Variants in MYPN observed in about 807,000 individuals in gnomAD.
MYPN encodes the protein sarcomeric protein myopalladin, 145 kDa (MYOP).
Under a neutral mutation model 129.4 loss-of-function variants are expected in MYPN, and 63 were observed. That is an observed-to-expected ratio of 0.49 (90% CI 0.40 to 0.60). MYPN has a LOEUF of 0.60. MYPN is among the 20% of genes least tolerant of loss of function. MYPN has a pLI of 0.00. For missense variants in MYPN, 1,596 were observed against 1,635.4 expected, an observed-to-expected ratio of 0.98 and a Z score of 0.42; for synonymous variants, 629 against 600.9, an observed-to-expected ratio of 1.05 and a Z score of -0.68.
At chr10:68,183,714 GACCTC>G (rs1318147119) in intron 12 of MYPN, among the ~76,000 whole-genome samples, 2 of 152,132 alleles carry the variant, frequency 1.3e-5, no homozygotes, top group South Asian at 2.1e-4. Flanking sequence ...AGAAGGTTAA[GACCTC>G]TTGCTTATTG....
chr10:68,201,031 G>A (rs1293811692), intron 17 of MYPN, among the ~76,000 whole-genome samples: 2 of 152,246 alleles, frequency 1.3e-5, no homozygotes, highest in South Asian at 2.1e-4. Flanking sequence ...GCCTCCTTGG[G>A]AAGCACAGTC....
chr10:68,143,073 A>G lies in MYPN; in HGVS notation c.1036A>G (p.Ile346Val). 1.2e-6 allele frequency: 2 copies of G among 1,614,154 alleles called. No individual in the cohort carries two copies. Among genetic ancestry groups the G allele is most frequent in the Non-Finnish European group, 1.7e-6 (2 of 1,180,010 alleles). ...TGRYSCFASN[I>V]YGTDSTSAEI... The stretch of plus-strand genomic sequence containing the variant: ...ACGCTATTCCTGCTTTGCTTCTAAC[A>G]TCTATGGGACAGATTCGACTTCTGC... The change falls in exon 3 of 20, where the codon ATC (isoleucine) becomes GTC (valine). Residue 346 changes from isoleucine (I) to valine (V), a missense_variant. By Grantham distance (29) the Ile-to-Val change is conservative. Transcript: ENST00000358913.
At chr10:68,180,479 C>T (rs996527802) in intron 12 of MYPN, among the ~76,000 whole-genome samples, 5 of 152,238 alleles carry the variant, frequency 3.3e-5, no homozygotes, top group African/African-American at 1.2e-4. Context: ...GGCCACTGTG[C>T]CCGGCCTACC....
rs2043896898 is a variant in MYPN, at chr10:68,210,610, T to C, written c.*155T>C. ...CTTTGAATAAGTCAGCTAGGGATTC[T>C]TGCAGTCTCAGCTGAGGGAGAAAGG... On this transcript the variant is annotated 3_prime_UTR_variant, in exon 20 of 20. Transcript: ENST00000358913. The C allele has an allele frequency of 1.2e-6, 1 of 846,644 alleles. No homozygotes were observed. Among genetic ancestry groups the C allele is most frequent in the Non-Finnish European group, 2.0e-6 (1 of 508,114 alleles). 52.4% of individuals were successfully genotyped at this position (846,644 alleles called of 1,614,324 possible).
At chr10:68,206,176 A>G (rs756617959) in intron 18 of MYPN, among the ~76,000 whole-genome samples, 3 of 152,164 alleles carry the variant, frequency 2.0e-5, no homozygotes, top group Non-Finnish European at 4.4e-5. Context: ...GGGAGTTTCC[A>G]AAAATCCTAA....
At chr10:68,135,619 A>T in intron 2 of MYPN, 1 of 387,378 alleles carries the variant, frequency 2.6e-6, no homozygotes, top group Non-Finnish European at 3.5e-6. Flanking sequence ...ATTAAAGGAA[A>T]GTCCTTTTCT....
At chr10:68,182,862 A>G (rs2043360771) in intron 12 of MYPN, among the ~76,000 whole-genome samples, 1 of 152,080 alleles carries the variant, frequency 6.6e-6, no homozygotes, top group African/African-American at 2.4e-5. Context: ...TGACCTCTCA[A>G]CTTGGAGTAC....
chr10:68,210,929 T>C lies in MYPN; in HGVS notation c.*474T>C, dbSNP rs2043903115. On this transcript the variant is annotated 3_prime_UTR_variant, in exon 20 of 20. Transcript: ENST00000358913. ...ATCGATTACATGTATAGCAGTAGTT[T>C]TGGTGAATTCACCAAATCAGCTTCC... 2.2e-6 allele frequency: 1 copy of C among 454,642 alleles called. No homozygotes were observed. Among genetic ancestry groups the C allele is most frequent in the South Asian group, 1.6e-5 (1 of 64,470 alleles). The allele number at this position is 454,642 out of a possible 1,614,324, so 28.2% of individuals were successfully genotyped here.
rs367982390 is a variant in MYPN at position 68,122,309 on chromosome 10, A to C, written c.871A>C (p.Ile291Leu). The C allele has an allele frequency of 1.2e-6, 2 of 1,613,950 alleles. No homozygotes were observed. Among genetic ancestry groups the C allele is most frequent in the Non-Finnish European group, 1.7e-6 (2 of 1,180,034 alleles). Reference sequence around the variant, plus strand: ...AGGAACTCGAGTACAGTTGGATTGCATAGTGGTAGGAATTCCACCACCTCA... The same window carrying C: ...AGGAACTCGAGTACAGTTGGATTGCCTAGTGGTAGGAATTCCACCACCTCA... ...PEGTRVQLDC[I>L]VVGIPPPQVR... The change falls in exon 2 of 20, where the codon ATA (isoleucine) becomes CTA (leucine). Residue 291 changes from isoleucine (I) to leucine (L), a missense_variant. By Grantham distance (5) the Ile-to-Leu change is conservative. Transcript: ENST00000358913.
intron 8 of MYPN, 33 bp downstream of exon 8, chr10:68,161,785 T>C (rs751391746): frequency 6.6e-6 from 10 of 1,520,358 alleles, no homozygotes; most frequent in Middle Eastern, 3.4e-4. Flanking sequence ...TTTATTAGTA[T>C]ATGAGTGATT....
intron 16 of MYPN, among the ~76,000 whole-genome samples, chr10:68,197,966 G>A (rs537519943): frequency 3.9e-5 from 6 of 152,116 alleles, no homozygotes; most frequent in East Asian, 1.9e-4. Flanking sequence ...GGAGTAAGAC[G>A]GCATGAGATT....
Position 68,088,835 on chromosome 10 carries a change from C to G in MYPN, c.-2+843C>G, listed in dbSNP as rs1453910714. The stretch of plus-strand genomic sequence containing the variant: ...ATTTTAGAAAATTTACAGAGTTGTG[C>G]AACCATTGCCACAAACAATTTTAGA... On this transcript the variant is annotated intron_variant, in intron 1 of 6. Transcript: ENST00000685154. 1.3e-5 allele frequency among the ~76,000 whole-genome samples: 2 copies of G among 152,170 alleles called. 1 individual carries two copies. Among genetic ancestry groups the G allele is most frequent in the African/African-American group, 4.8e-5 (2 of 41,424 alleles).
intron 16 of MYPN, among the ~76,000 whole-genome samples, chr10:68,197,840 T>C (rs911703214): frequency 6.6e-6 from 1 of 151,456 alleles, no homozygotes; most frequent in South Asian, 2.1e-4. Context: ...CTGAGCCCTA[T>C]ATATACTATT....
intron 10 of MYPN, among the ~76,000 whole-genome samples, chr10:68,171,463 C>T (rs770502434): frequency 2.2e-4 from 33 of 152,240 alleles, no homozygotes; most frequent in Non-Finnish European, 3.8e-4. Flanking sequence ...CTACACCTGC[C>T]GAATGAGAAA....
intron 6 of MYPN, among the ~76,000 whole-genome samples, chr10:68,152,093 AT>A (rs1182584535): frequency 2.0e-5 from 3 of 152,260 alleles, no homozygotes; most frequent in Admixed American, 1.3e-4. Flanking sequence ...AGATTCAAAT[AT>A]TTTTTTGATT....
intron 19 of MYPN, among the ~76,000 whole-genome samples, chr10:68,208,694 C>T (rs951103532): frequency 6.6e-6 from 1 of 152,148 alleles, no homozygotes; most frequent in Admixed American, 6.5e-5. Context: ...TGTCCTGCTT[C>T]CATAGCACCA....
intron 2 of MYPN, among the ~76,000 whole-genome samples, chr10:68,131,338 G>C (rs936153595): frequency 6.6e-6 from 1 of 151,262 alleles, no homozygotes; most frequent in Non-Finnish European, 1.5e-5. Context: ...GCAGTGAGCC[G>C]AGATCGTGTC....
intron 16 of MYPN, among the ~76,000 whole-genome samples, chr10:68,198,803 G>T (rs1280439839): frequency 6.6e-6 from 1 of 151,942 alleles, no homozygotes. Context: ...ACTCACAAGT[G>T]GGAGTTGAAC....
At chr10:68,100,025 T>C (rs913162386) in intron 1 of MYPN, among the ~76,000 whole-genome samples, 2 of 152,218 alleles carry the variant, frequency 1.3e-5, no homozygotes, top group African/African-American at 4.8e-5. Flanking sequence ...ATCTTCAGTT[T>C]CCTCCTCTAT....
Sources: allele counts gnomAD v4.1 joint callset (sites outside exome capture counted in the v4.1 genomes callset), GRCh38; gene constraint gnomAD v4.1.1; transcripts MANE v1.5; gene names NCBI Gene and HGNC (gene_info 2026-07-23, HGNC 2026-07-21).